The following BMPR1B variants were observed in gnomAD, a reference collection of about 807,000 sequenced individuals.
BMPR1B encodes the protein bone morphogenetic protein receptor type-1B.
In BMPR1B, 12 loss-of-function variants were observed where a neutral mutation model predicts 59.1. The observed-to-expected ratio is 0.20, with a 90% CI of 0.13 to 0.33. BMPR1B has a LOEUF of 0.33. Ranked by LOEUF, BMPR1B falls within the 10% of genes least tolerant of loss-of-function variation. BMPR1B has a pLI of 1.00. For synonymous variants in BMPR1B, 237 were observed against 207.3 expected, an observed-to-expected ratio of 1.14 and a Z score of -1.23; for missense variants, 550 against 610.9, an observed-to-expected ratio of 0.90 and a Z score of 1.05.
chr4:94,844,791 G>T (rs1012372988), intron 1 of BMPR1B, among the ~76,000 whole-genome samples: 3 of 152,170 alleles, frequency 2.0e-5, no homozygotes, highest in Admixed American at 1.3e-4. Flanking sequence ...ATAAGCAGTG[G>T]CTCTGAATTT....
chr4:94,873,471 A>G (rs1726584726), intron 1 of BMPR1B, among the ~76,000 whole-genome samples: 1 of 149,530 alleles, frequency 6.7e-6, no homozygotes, highest in African/African-American at 2.5e-5. Flanking sequence ...CAGTGGCGCG[A>G]TCTCGGCTCA....
chr4:95,015,778 T>C (rs1305138197), intron 3 of BMPR1B, among the ~76,000 whole-genome samples: 2 of 151,862 alleles, frequency 1.3e-5, no homozygotes, highest in Non-Finnish European at 2.9e-5. Flanking sequence ...CTGCAACCTC[T>C]GCCTCCCAGG....
chr4:94,953,249 A>T (rs1730016249), intron 2 of BMPR1B, among the ~76,000 whole-genome samples: 1 of 152,168 alleles, frequency 6.6e-6, no homozygotes, highest in South Asian at 2.1e-4. Context: ...TGGGGCATTT[A>T]GCCCATTTAC....
At chr4:95,131,084 T>A in intron 9 of BMPR1B, 131 bp from the exon 10 acceptor site, 1 of 937,432 alleles carries the variant, frequency 1.1e-6, no homozygotes, top group Non-Finnish European at 1.6e-6. Flanking sequence ...AATACCATCA[T>A]AGGCATAGTC....
Position 95,068,934 on chromosome 4 carries a change from A to G in BMPR1B, c.-17-35474A>G, listed in dbSNP as rs147600634. On this transcript the variant is annotated intron_variant, in intron 3 of 12. Coordinates refer to ENST00000515059, the MANE Select transcript of BMPR1B (RefSeq NM_001203.3). ...AAACTGGCACTTTAAGCAAAATGAC[A>G]TATAATGAAACCAATTTTTTTCATC... Among the ~76,000 whole-genome samples the G allele has an allele frequency of 3.2e-4, 48 of 152,336 alleles. 2 individuals carry two copies. In the East Asian group the frequency reaches 4.4e-3, roughly 14 times the overall value.
At position 94,816,313 on chromosome 4, in the gene BMPR1B, G is replaced by GTTTTC. The variant is rs541233007; in HGVS notation, c.-183+58265_-183+58269dup. Among the ~76,000 whole-genome samples the GTTTTC allele has an allele frequency of 2.2e-3, 335 of 152,006 alleles. 3 individuals carry two copies. Among genetic ancestry groups the GTTTTC allele is most frequent in the African/African-American group, 7.8e-3 (324 of 41,468 alleles). ...AGGTGCACGCCACCAGGCCCGGCTA[G>GTTTTC]TTTTCTTTTCTTTTCTTTTCTTTTT... On this transcript the variant is annotated intron_variant, in intron 1 of 12. Transcript: ENST00000515059.
chr4:94,917,043 A>G (rs1051653566), intron 2 of BMPR1B, among the ~76,000 whole-genome samples: 3 of 152,242 alleles, frequency 2.0e-5, no homozygotes, highest in Non-Finnish European at 4.4e-5. Flanking sequence ...GCCTGCTTCC[A>G]TGTGGTGTTA....
At chr4:95,001,159 T>C (rs755827953) in intron 3 of BMPR1B, among the ~76,000 whole-genome samples, 1 of 152,164 alleles carries the variant, frequency 6.6e-6, no homozygotes. Context: ...TTGTTACATA[T>C]GTATACATGT....
intron 3 of BMPR1B, among the ~76,000 whole-genome samples, chr4:95,047,295 A>G (rs1461169000): frequency 7.9e-5 from 12 of 152,190 alleles, no homozygotes; most frequent in Admixed American, 5.9e-4. Context: ...GATTCCATCT[A>G]GAAAACCACT....
chr4:95,083,698 T>G (rs1257723342), intron 3 of BMPR1B, among the ~76,000 whole-genome samples: 1 of 152,180 alleles, frequency 6.6e-6, no homozygotes, highest in Non-Finnish European at 1.5e-5. Flanking sequence ...ATGCTTCACC[T>G]TCAACCCAAA....
chr4:94,783,455 A>T (rs1722653734), intron 1 of BMPR1B, among the ~76,000 whole-genome samples: 1 of 151,812 alleles, frequency 6.6e-6, no homozygotes, highest in African/African-American at 2.4e-5. Flanking sequence ...CTTCCCTTAT[A>T]CTCTGCTGTT....
At chr4:94,759,202 C>T (rs1266583920) in intron 1 of BMPR1B, among the ~76,000 whole-genome samples, 1 of 152,202 alleles carries the variant, frequency 6.6e-6, no homozygotes, top group Non-Finnish European at 1.5e-5. Flanking sequence ...TTCTTAGCCA[C>T]CTTTCCAGCA....
intron 2 of BMPR1B, among the ~76,000 whole-genome samples, chr4:94,979,263 C>A (rs982010200): frequency 6.6e-6 from 1 of 152,140 alleles, no homozygotes; most frequent in Non-Finnish European, 1.5e-5. Context: ...ATCCATACTT[C>A]TTTGTATCCA....
At chr4:95,130,680 T>C (rs1733264752) in intron 9 of BMPR1B, among the ~76,000 whole-genome samples, 1 of 151,438 alleles carries the variant, frequency 6.6e-6, no homozygotes. Flanking sequence ...AAACTCTTAA[T>C]CTTTCTCTAC....
chr4:94,882,927 T>A (rs1414462846), intron 2 of BMPR1B, among the ~76,000 whole-genome samples: 2 of 151,924 alleles, frequency 1.3e-5, no homozygotes, highest in African/African-American at 4.8e-5. Context: ...CCAGGCTGAA[T>A]TATCAAAAAG....
intron 4 of BMPR1B, among the ~76,000 whole-genome samples, chr4:95,109,708 A>G (rs1367010201): frequency 1.3e-5 from 2 of 151,322 alleles, no homozygotes; most frequent in Non-Finnish European, 2.9e-5. Flanking sequence ...TTTTATTATT[A>G]TTATTATTAT....
chr4:94,906,593 A>T (rs943690401), intron 2 of BMPR1B, among the ~76,000 whole-genome samples: 32 of 152,172 alleles, frequency 2.1e-4, no homozygotes, highest in African/African-American at 7.7e-4. Context: ...CCACCATGAC[A>T]CATATATACC....
intron 3 of BMPR1B, among the ~76,000 whole-genome samples, chr4:95,059,469 A>G (rs577162702): frequency 2.2e-4 from 33 of 152,218 alleles, no homozygotes; most frequent in African/African-American, 6.5e-4. Flanking sequence ...GTGCTAAATC[A>G]TGTGATTTTA....
At chr4:95,152,296 ATGTCT>A (rs1230756114) in intron 11 of BMPR1B, among the ~76,000 whole-genome samples, 2 of 152,140 alleles carry the variant, frequency 1.3e-5, no homozygotes, top group Non-Finnish European at 2.9e-5. Flanking sequence ...AGTTCAGGAT[ATGTCT>A]TGCAGATTTG....
Sources: gnomAD v4.1 joint callset for allele counts (sites outside exome capture counted in the v4.1 genomes callset) on GRCh38, gnomAD v4.1.1 for gene constraint, MANE v1.5 for transcripts, NCBI Gene and HGNC (gene_info 2026-07-23, HGNC 2026-07-21) for gene names.